The following CLSTN2 variants were observed in gnomAD, a reference collection of about 807,000 sequenced individuals.
CLSTN2 encodes the protein calsyntenin-2.
In CLSTN2, 48 loss-of-function variants were observed where a neutral mutation model predicts 101.2. The observed-to-expected ratio is 0.47, with a 90% confidence interval of 0.38 to 0.60. CLSTN2 has a LOEUF of 0.60. Among genes scored for constraint, CLSTN2 ranks in the 20% least tolerant of loss-of-function variants. The pLI is 0.00. For synonymous variants in CLSTN2, 481 were observed against 463.6 expected (o/e 1.04, Z -0.48); for missense variants, 1,160 against 1,238.2 (o/e 0.94, Z 0.95).
At chr3:140,269,260 A>G (rs1487038938) in intron 2 of CLSTN2, among the ~76,000 whole-genome samples, 1 of 152,220 alleles carries the variant, frequency 6.6e-6, no homozygotes, top group African/African-American at 2.4e-5. Flanking sequence ...AAGAGGACAT[A>G]GAAAATAAAC....
At position 139,999,318 on chromosome 3, in the gene CLSTN2, T is replaced by A. The variant is rs1375961915; in HGVS notation, c.109+63835T>A. ...TTTCCATGTTTATGTCCATGTGTGC[T>A]CAGTGTTTGGCTCCCACTTATAAGC... On this transcript the variant is annotated intron_variant, in intron 1 of 16. Coordinates refer to ENST00000458420, the MANE Select transcript of CLSTN2 (RefSeq NM_022131.3). 2.7e-5 allele frequency among the ~76,000 whole-genome samples: 4 copies of A among 150,630 alleles called. No homozygotes were observed. The East Asian group carries it at 8.0e-4, about 30-fold the overall frequency.
At chr3:140,463,246 C>T (rs150424182) in intron 7 of CLSTN2, among the ~76,000 whole-genome samples, 19 of 152,342 alleles carry the variant, frequency 1.2e-4, no homozygotes, top group African/African-American at 4.1e-4. Flanking sequence ...TGGCATGCAG[C>T]CCTTTTCTGT....
At chr3:140,352,886 G>A (rs1173303989) in intron 2 of CLSTN2, among the ~76,000 whole-genome samples, 2 of 152,118 alleles carry the variant, frequency 1.3e-5, no homozygotes, top group Non-Finnish European at 1.5e-5. Flanking sequence ...TAGTAATACA[G>A]TTGGCCCTCC....
At chr3:140,203,662 C>T (rs1211537949) in intron 2 of CLSTN2, among the ~76,000 whole-genome samples, 1 of 151,956 alleles carries the variant, frequency 6.6e-6, no homozygotes. Flanking sequence ...TTTGAAAGGC[C>T]TCCTGGTGCC....
rs116757831 is a variant in CLSTN2 at position 140,562,615 on chromosome 3, T to G, written c.2213-196T>G. 5.1e-3 allele frequency among the ~76,000 whole-genome samples: 772 copies of G among 152,328 alleles called. 7 individuals are homozygous for G. Among genetic ancestry groups the G allele is most frequent in the African/African-American group, 0.018 (742 of 41,564 alleles). The stretch of plus-strand genomic sequence containing the variant: ...ATCTGGAAGATTAAGGCAGTCTGTA[T>G]GGAAAGCTTGTGCATCAATGTAATT... On this transcript the variant is annotated intron_variant, in intron 13 of 16. Transcript: ENST00000458420.
chr3:140,165,439 G>A (rs2010120228), intron 1 of CLSTN2, among the ~76,000 whole-genome samples: 1 of 152,200 alleles, frequency 6.6e-6, no homozygotes, highest in Non-Finnish European at 1.5e-5. Context: ...TCCCGGTCAA[G>A]GGGCCTCAGG....
rs1386974474 is a variant in CLSTN2 at position 140,240,229 on chromosome 3, T to TAC, written c.232+64157_232+64158insCA. 2.7e-3 allele frequency among the ~76,000 whole-genome samples: 289 copies of TAC among 106,552 alleles called. 1 individual carries two copies. Among genetic ancestry groups the TAC allele is most frequent in the Non-Finnish European group, 4.3e-3 (223 of 52,402 alleles). The allele number at this position is 106,552 out of a possible 152,430, so 69.9% of individuals were successfully genotyped here. A position where few individuals can be genotyped will look rare whatever the true frequency, so the allele number is the denominator to read the frequency against. On this transcript the variant is annotated intron_variant, in intron 2 of 16. Transcript: ENST00000458420. ...ACACACACACACACACACATATATATATATGCATATATACACATATATATA... is the reference window on the plus strand; with the variant it reads ...ACACACACACACACACACATATATATACATATGCATATATACACATATATATA...
chr3:140,013,554 C>G (rs998428538), intron 1 of CLSTN2, among the ~76,000 whole-genome samples: 1 of 152,098 alleles, frequency 6.6e-6, no homozygotes, highest in East Asian at 1.9e-4. Flanking sequence ...TTTTCTGAGG[C>G]TTTTTCAATC....
intron 1 of CLSTN2, among the ~76,000 whole-genome samples, chr3:140,055,064 T>C (rs1346798052): frequency 2.0e-5 from 3 of 152,342 alleles, no homozygotes; most frequent in Admixed American, 1.3e-4. Flanking sequence ...TTTTCTGTTT[T>C]ATTAATGTTG....
At chr3:140,243,826 A>G (rs6439907) in intron 2 of CLSTN2, among the ~76,000 whole-genome samples, 147,660 of 152,312 alleles carry the variant, frequency 0.97, 71,720 homozygotes, top group East Asian at 1. Context: ...ATGAATATCT[A>G]AGAAGCACAT....
chr3:139,979,277 G>A (rs1214556662), intron 1 of CLSTN2, among the ~76,000 whole-genome samples: 2 of 152,196 alleles, frequency 1.3e-5, no homozygotes, highest in Non-Finnish European at 2.9e-5. Context: ...GCCCCAGATA[G>A]CAGAGCCCTT....
intron 9 of CLSTN2, among the ~76,000 whole-genome samples, chr3:140,532,930 A>ATGCCCAGGGCT (rs1935288072): frequency 6.6e-6 from 1 of 152,150 alleles, no homozygotes; most frequent in Admixed American, 6.5e-5. Context: ...GAACTCACAA[A>ATGCCCAGGGCT]TGCCCAGGGC....
chr3:139,996,646 C>G lies in CLSTN2; in HGVS notation c.109+61163C>G, dbSNP rs141096886. Among the ~76,000 whole-genome samples, 1,482 of 152,256 alleles carry G rather than the reference C, an allele frequency of 9.7e-3. 11 individuals are homozygous for G. Among genetic ancestry groups the G allele is most frequent in the Non-Finnish European group, 0.014 (968 of 68,008 alleles). On this transcript the variant is annotated intron_variant, in intron 1 of 16. Transcript: ENST00000458420. ...GAGTATTGTCAGACTTCTTATTTTT[C>G]CAACTGAATGAATTCTCATGGTCTT...
chr3:139,949,936 A>G (rs928283066), intron 1 of CLSTN2, among the ~76,000 whole-genome samples: 1 of 152,194 alleles, frequency 6.6e-6, no homozygotes, highest in African/African-American at 2.4e-5. Flanking sequence ...GTGATATCAG[A>G]TGCATGTGTG....
intron 6 of CLSTN2, among the ~76,000 whole-genome samples, chr3:140,451,958 C>G (rs1388362956): frequency 6.6e-6 from 1 of 152,048 alleles, no homozygotes; most frequent in Non-Finnish European, 1.5e-5. Context: ...GAGTTCTGAA[C>G]CAGGGGAATG....
intron 10 of CLSTN2, among the ~76,000 whole-genome samples, chr3:140,555,883 G>A (rs560791122): frequency 6.6e-6 from 1 of 152,068 alleles, no homozygotes; most frequent in African/African-American, 2.4e-5. Flanking sequence ...GGATACCAGG[G>A]ACTTTGGATG....
At chr3:140,115,043 C>G (rs2009218222) in intron 1 of CLSTN2, among the ~76,000 whole-genome samples, 1 of 152,186 alleles carries the variant, frequency 6.6e-6, no homozygotes, top group Non-Finnish European at 1.5e-5. Flanking sequence ...TTTTGCCCAA[C>G]CAACACTTTC....
intron 1 of CLSTN2, among the ~76,000 whole-genome samples, chr3:140,087,683 T>C (rs2008702867): frequency 6.6e-6 from 1 of 152,192 alleles, no homozygotes. Context: ...ACAGTAAGAT[T>C]GTGGCTGATA....
intron 2 of CLSTN2, among the ~76,000 whole-genome samples, chr3:140,325,968 A>C (rs551858537): frequency 6.6e-6 from 1 of 152,198 alleles, no homozygotes. Flanking sequence ...AATTAAATTT[A>C]TGTTCAAGTG....
Sources: gnomAD v4.1 joint callset for allele counts (sites outside exome capture counted in the v4.1 genomes callset) on GRCh38, gnomAD v4.1.1 for gene constraint, MANE v1.5 for transcripts, NCBI Gene and HGNC (gene_info 2026-07-23, HGNC 2026-07-21) for gene names.